The following TAPT1 variants were observed in gnomAD, a reference collection of about 807,000 sequenced individuals.
TAPT1 encodes transmembrane anterior posterior transformation protein 1 homolog.
TAPT1 carries 28 observed loss-of-function variants against 65.6 expected under a neutral mutation model. That is an observed-to-expected ratio of 0.43 (90% CI 0.32 to 0.59). The LOEUF (loss-of-function observed/expected upper bound fraction) is 0.59, where lower values mean the gene tolerates loss of function less well. Among genes scored for constraint, TAPT1 ranks in the 20% least tolerant of loss-of-function variants. The pLI is 0.09. For synonymous variants in TAPT1, 278 were observed against 245.2 expected, an observed-to-expected ratio of 1.13 and a Z score of -1.25; for missense variants, 563 against 679.9, an observed-to-expected ratio of 0.83 and a Z score of 1.91.
At chr4:16,186,938 T>C (rs1578437120) in intron 5 of TAPT1, 60 bp from the exon 6 acceptor site, 1 of 919,746 alleles carries the variant, frequency 1.1e-6, no homozygotes, top group Non-Finnish European at 1.7e-6. Flanking sequence ...GATAATACTA[T>C]AAAATTTTGA....
chr4:16,170,101 T>A (rs2149669487), intron 12 of TAPT1, among the ~76,000 whole-genome samples: 1 of 152,362 alleles, frequency 6.6e-6, no homozygotes, highest in South Asian at 2.1e-4. Flanking sequence ...AATCATCATT[T>A]TACATTGTTA....
At chr4:16,186,014 G>C (rs1404400596) in intron 7 of TAPT1, among the ~76,000 whole-genome samples, 1 of 152,218 alleles carries the variant, frequency 6.6e-6, no homozygotes, top group African/African-American at 2.4e-5. Context: ...GGGGCTCCAT[G>C]ATCCACCACG....
intron 1 of TAPT1, among the ~76,000 whole-genome samples, chr4:16,221,120 A>G (rs1390331007): frequency 8.5e-6 from 1 of 117,538 alleles, no homozygotes; most frequent in Admixed American, 7.8e-5. Context: ...ATATATATAT[A>G]CTTTTTTTTT....
intron 1 of TAPT1, among the ~76,000 whole-genome samples, chr4:16,221,109 C>CATAT (rs201796120): frequency 1.4e-5 from 2 of 141,470 alleles, no homozygotes; most frequent in African/African-American, 5.4e-5. Context: ...CACATACGTA[C>CATAT]ATATATATAT....
chr4:16,166,295 G>A (rs746753430), intron 13 of TAPT1, among the ~76,000 whole-genome samples: 8 of 152,156 alleles, frequency 5.3e-5, no homozygotes, highest in East Asian at 1.9e-4. Context: ...GCAGTTCCCC[G>A]TCACTTGACA....
At chr4:16,186,198 A>G (rs753108164) in intron 7 of TAPT1, among the ~76,000 whole-genome samples, 2 of 152,234 alleles carry the variant, frequency 1.3e-5, no homozygotes, top group African/African-American at 2.4e-5. Flanking sequence ...TTCTCCTAGA[A>G]GCTATGTGAC....
chr4:16,191,173 C>T, intron 4 of TAPT1, 188 bp downstream of exon 4: 1 of 553,780 alleles, frequency 1.8e-6, no homozygotes. Context: ...ATTCTCCAGA[C>T]CCAGCCTAGA....
At chr4:16,198,879 G>GT (rs1749872571) in intron 3 of TAPT1, among the ~76,000 whole-genome samples, 2 of 152,250 alleles carry the variant, frequency 1.3e-5, no homozygotes, top group South Asian at 4.1e-4. Context: ...CTTTGTTTAT[G>GT]TAACTTTTAC....
At chr4:16,169,019 T>G (rs548002375) in intron 12 of TAPT1, among the ~76,000 whole-genome samples, 1 of 152,304 alleles carries the variant, frequency 6.6e-6, no homozygotes, top group South Asian at 2.1e-4. Context: ...GAAGACACAT[T>G]CCTGGGTTTG....
intron 4 of TAPT1, chr4:16,190,466 G>A (rs1352094361): frequency 6.6e-6 from 1 of 152,044 alleles, no homozygotes; most frequent in African/African-American, 2.4e-5. Context: ...AGCCTCCCAA[G>A]TAGCTGGGAT....
In TAPT1 at chr4:16,207,645, C is replaced by T. The variant is rs192343672; in HGVS notation, c.331-5065G>A. Among the ~76,000 whole-genome samples the T allele has an allele frequency of 2.6e-5, 4 of 152,268 alleles. No individual in the cohort carries two copies. The East Asian group carries it at 7.7e-4, about 29-fold the overall frequency. On this transcript the variant is annotated intron_variant, in intron 2 of 13. Coordinates refer to ENST00000405303, the MANE Select transcript of TAPT1 (RefSeq NM_153365.3). ...AGAGAGATCTGATGCCTTGATCAGG[C>T]CTCAGCTATTACAAACAGACTCAAG...
At chr4:16,170,843 A>C in intron 11 of TAPT1, 114 bp from the exon 12 acceptor site, 1 of 737,346 alleles carries the variant, frequency 1.4e-6, no homozygotes, top group Non-Finnish European at 2.3e-6. Flanking sequence ...TTTTAGGCAT[A>C]TATCTATGGC....
intron 2 of TAPT1, 89 bp from the exon 3 acceptor site, chr4:16,202,669 T>C: frequency 1.5e-6 from 1 of 677,264 alleles, no homozygotes. Flanking sequence ...TTTCTAAACA[T>C]TATAAAAAAT....
intron 3 of TAPT1, among the ~76,000 whole-genome samples, chr4:16,200,467 G>A (rs1749963891): frequency 6.6e-6 from 1 of 152,092 alleles, no homozygotes; most frequent in African/African-American, 2.4e-5. Flanking sequence ...TGGGACCACA[G>A]ACATGTGCCA....
At position 16,217,662 on chromosome 4, in the gene TAPT1, G is replaced by A. The variant is rs541925568; in HGVS notation, c.200-3764C>T. Among the ~76,000 whole-genome samples, 3 of 152,298 alleles carry A rather than the reference G, an allele frequency of 2.0e-5. No individual in the cohort carries two copies. The South Asian group carries it at 6.2e-4, about 32-fold the overall frequency. The stretch of plus-strand genomic sequence containing the variant: ...ATTAATCAAAATGTTCAATAGTAAT[G>A]GAATTGCTTAATAAATAACAACGTA... On this transcript the variant is annotated intron_variant, in intron 1 of 13. Transcript: ENST00000405303.
intron 1 of TAPT1, among the ~76,000 whole-genome samples, chr4:16,218,190 G>A (rs1176584046): frequency 1.3e-5 from 2 of 152,222 alleles, no homozygotes; most frequent in African/African-American, 4.8e-5. Context: ...GATCACCTGA[G>A]GTCAGGAGTT....
chr4:16,223,905 T>C (rs1443371), intron 1 of TAPT1, among the ~76,000 whole-genome samples: 108 of 152,254 alleles, frequency 7.1e-4, no homozygotes, highest in African/African-American at 2.5e-3. Flanking sequence ...ATGTCTTACC[T>C]GTAGGAGCCC....
intron 1 of TAPT1, among the ~76,000 whole-genome samples, chr4:16,215,054 G>A (rs1490432241): frequency 6.6e-6 from 1 of 152,148 alleles, no homozygotes; most frequent in African/African-American, 2.4e-5. Flanking sequence ...CACTTTGGGA[G>A]GCCGAGGTGG....
chr4:16,218,287 C>T (rs575248245), intron 1 of TAPT1, among the ~76,000 whole-genome samples: 1 of 152,254 alleles, frequency 6.6e-6, no homozygotes, highest in Admixed American at 6.5e-5. Context: ...TGCCTGTAAT[C>T]CCAGCTACTT....
Sources: gnomAD v4.1 joint callset for allele counts (sites outside exome capture counted in the v4.1 genomes callset) on GRCh38, gnomAD v4.1.1 for gene constraint, MANE v1.5 for transcripts, NCBI Gene and HGNC (gene_info 2026-07-23, HGNC 2026-07-21) for gene names.